Variants in HS3ST4 observed in about 807,000 individuals in gnomAD.
HS3ST4 encodes the protein heparan sulfate-glucosamine 3-sulfotransferase 4.
HS3ST4 carries 17 observed loss-of-function variants against 29.2 expected under a neutral mutation model. The ratio of observed to expected loss-of-function variants is 0.58; its 90% CI spans 0.40 to 0.87. The LOEUF is 0.87. HS3ST4 is among the 40% of genes least tolerant of loss of function. The pLI is 0.00. For missense variants in HS3ST4, 627 were observed against 634.5 expected (o/e 0.99, Z 0.13); for synonymous variants, 314 against 285.7 (o/e 1.10, Z -1.00).
intron 1 of HS3ST4, among the ~76,000 whole-genome samples, chr16:25,731,009 T>C (rs552651094): frequency 3.8e-4 from 58 of 152,256 alleles, no homozygotes; most frequent in African/African-American, 1.3e-3. Flanking sequence ...AGACATGAGC[T>C]TCCAGGTGCC....
chr16:25,810,289 A>T (rs1302428782), intron 1 of HS3ST4, among the ~76,000 whole-genome samples: 1 of 151,672 alleles, frequency 6.6e-6, no homozygotes, highest in Non-Finnish European at 1.5e-5. Flanking sequence ...TCTGCTATTG[A>T]TTTTTAGTTT....
chr16:26,104,038 A>T (rs1899020516), intron 1 of HS3ST4, among the ~76,000 whole-genome samples: 1 of 152,180 alleles, frequency 6.6e-6, no homozygotes, highest in African/African-American at 2.4e-5. Flanking sequence ...AAACACTGGG[A>T]ATGCATTTGA....
chr16:25,697,960 C>T (rs766201016), intron 1 of HS3ST4, among the ~76,000 whole-genome samples: 24 of 151,782 alleles, frequency 1.6e-4, no homozygotes, highest in Non-Finnish European at 2.5e-4. Context: ...CATGAGCCAC[C>T]GTGCCCGGCC....
chr16:25,864,504 C>T (rs1203202184), intron 1 of HS3ST4, among the ~76,000 whole-genome samples: 8 of 152,256 alleles, frequency 5.3e-5, no homozygotes, highest in Middle Eastern at 3.4e-3. Flanking sequence ...GTTCATCCTG[C>T]ATAGCTGACA....
At chr16:25,837,861 G>T (rs1050827072) in intron 1 of HS3ST4, among the ~76,000 whole-genome samples, 2 of 152,102 alleles carry the variant, frequency 1.3e-5, no homozygotes, top group Non-Finnish European at 2.9e-5. Context: ...CTGAGGTTGG[G>T]TGTAGGAATG....
At chr16:25,693,648 G>T (rs2943332) in intron 1 of HS3ST4, among the ~76,000 whole-genome samples, 1 of 151,994 alleles carries the variant, frequency 6.6e-6, no homozygotes, top group South Asian at 2.1e-4. Context: ...AGAGCAAAAT[G>T]AATAGGGAAC....
At chr16:25,917,276 G>C (rs2141681131) in intron 1 of HS3ST4, among the ~76,000 whole-genome samples, 1 of 152,110 alleles carries the variant, frequency 6.6e-6, no homozygotes, top group East Asian at 1.9e-4. Context: ...GCAGTGTCAT[G>C]ATCTCAGCTC....
At chr16:25,850,884 T>G (rs1307657088) in intron 1 of HS3ST4, among the ~76,000 whole-genome samples, 2 of 152,192 alleles carry the variant, frequency 1.3e-5, no homozygotes, top group African/African-American at 4.8e-5. Context: ...GAACAGATTT[T>G]CATTTGGAAA....
At chr16:25,994,456 C>T (rs1344569915) in intron 1 of HS3ST4, among the ~76,000 whole-genome samples, 2 of 152,098 alleles carry the variant, frequency 1.3e-5, no homozygotes, top group Admixed American at 1.3e-4. Flanking sequence ...GTAAAGAGCA[C>T]ATAATATATA....
chr16:26,031,973 T>A (rs10468240), intron 1 of HS3ST4, among the ~76,000 whole-genome samples: 23,604 of 152,124 alleles, frequency 0.16, 3,523 homozygotes, highest in African/African-American at 0.39. Context: ...TCACAAGCCA[T>A]CTCTGACTTT....
rs558048484 is a variant in HS3ST4 at position 25,798,199 on chromosome 16, T to C, written c.734+105048T>C. 2.0e-5 allele frequency among the ~76,000 whole-genome samples: 3 copies of C among 152,282 alleles called. No individual in the cohort carries two copies. In the East Asian group the frequency reaches 5.8e-4, roughly 29 times the overall value. On this transcript the variant is annotated intron_variant, in intron 1 of 1. Coordinates refer to ENST00000331351, the MANE Select transcript of HS3ST4 (RefSeq NM_006040.3). ...AGAGTGCAGAGAATTGCCGCAGAGC[T>C]TCTAGAAGGAAGTGATTCCTGGTGT...
At chr16:26,056,844 A>G (rs954341377) in intron 1 of HS3ST4, among the ~76,000 whole-genome samples, 4 of 152,236 alleles carry the variant, frequency 2.6e-5, no homozygotes, top group African/African-American at 7.2e-5. Context: ...TATCCTAGCA[A>G]TGACAAGTTC....
chr16:25,851,769 C>T (rs1343670868), intron 1 of HS3ST4, among the ~76,000 whole-genome samples: 1 of 152,114 alleles, frequency 6.6e-6, no homozygotes, highest in Non-Finnish European at 1.5e-5. Flanking sequence ...TAGCAAACAA[C>T]CGAGAATTCA....
chr16:25,850,056 A>G (rs537933142), intron 1 of HS3ST4, among the ~76,000 whole-genome samples: 187 of 148,544 alleles, frequency 1.3e-3, no homozygotes, highest in African/African-American at 4.5e-3. Flanking sequence ...CTGGAGTGCA[A>G]TGGTGTGATC....
intron 1 of HS3ST4, among the ~76,000 whole-genome samples, chr16:25,860,061 T>G (rs1967621326): frequency 6.6e-6 from 1 of 152,192 alleles, no homozygotes; most frequent in Non-Finnish European, 1.5e-5. Context: ...GAGAATCTAA[T>G]TGACCTGAGG....
chr16:25,920,606 C>CCT (rs1555472478), intron 1 of HS3ST4, among the ~76,000 whole-genome samples: 1 of 147,566 alleles, frequency 6.8e-6, no homozygotes, highest in Non-Finnish European at 1.5e-5. Context: ...GCCCCCACCC[C>CCT]TCTTTTTTTT....
chr16:25,956,485 C>G (rs12927358), intron 1 of HS3ST4, among the ~76,000 whole-genome samples: 33,104 of 152,130 alleles, frequency 0.22, 4,409 homozygotes, highest in Non-Finnish European at 0.3. Flanking sequence ...AGAAAGAAAT[C>G]TAGGGCATCC....
intron 1 of HS3ST4, among the ~76,000 whole-genome samples, chr16:25,889,619 T>A (rs189243807): frequency 6.6e-6 from 1 of 152,180 alleles, no homozygotes; most frequent in Non-Finnish European, 1.5e-5. Flanking sequence ...TGTAGTGAGA[T>A]TCTGCTTATG....
chr16:25,781,124 C>T (rs987234988), intron 1 of HS3ST4, among the ~76,000 whole-genome samples: 9 of 152,328 alleles, frequency 5.9e-5, no homozygotes, highest in African/African-American at 2.2e-4. Context: ...TGACTTCTCT[C>T]TGTCTTCTAC....
Sources: allele counts gnomAD v4.1 joint callset (sites outside exome capture counted in the v4.1 genomes callset), GRCh38; gene constraint gnomAD v4.1.1; transcripts MANE v1.5; gene names NCBI Gene and HGNC (gene_info 2026-07-23, HGNC 2026-07-21).